The following KSR2 variants were observed in gnomAD, a reference collection of about 807,000 sequenced individuals.
The protein encoded by KSR2 is kinase suppressor of ras 2.
Under a neutral mutation model 107.8 loss-of-function variants are expected in KSR2, and 25 were observed. The observed-to-expected ratio is 0.23, with a 90% CI of 0.17 to 0.32. The LOEUF (loss-of-function observed/expected upper bound fraction) is 0.32. Ranked by LOEUF, KSR2 falls within the 10% of genes least tolerant of loss-of-function variation. The probability of loss-of-function intolerance (pLI) is 1.00; values close to 1 mark genes in which losing one functional copy is unlikely to be tolerated. For synonymous variants in KSR2, 480 were observed against 507.0 expected, an observed-to-expected ratio of 0.95 and a Z score of 0.71; for missense variants, 887 against 1,268.9, an observed-to-expected ratio of 0.70 and a Z score of 4.57.
chr12:117,837,447 C>G (rs543143228), intron 3 of KSR2, among the ~76,000 whole-genome samples: 1 of 152,286 alleles, frequency 6.6e-6, no homozygotes, highest in East Asian at 1.9e-4. Context: ...ACTGCGCCAT[C>G]AAGAGGTGGC....
At chr12:117,733,897 G>A (rs1887830854) in intron 4 of KSR2, among the ~76,000 whole-genome samples, 1 of 152,182 alleles carries the variant, frequency 6.6e-6, no homozygotes, top group African/African-American at 2.4e-5. Context: ...ATGGAAGAAT[G>A]AACAAATGAA....
Position 117,913,292 on chromosome 12 carries a change from G to T in KSR2, c.181-52861C>A, listed in dbSNP as rs183348337. ...AAGGGAAGCGTAAGAGGTCCCCACT[G>T]CAAGGAAGCAGTCACCACTGCCAAG... On this transcript the variant is annotated intron_variant, in intron 1 of 19. Transcript: ENST00000339824. Among the ~76,000 whole-genome samples the T allele has an allele frequency of 1.6e-3, 238 of 152,248 alleles. No individual in the cohort carries two copies. The Middle Eastern group carries it at 0.017, about 11-fold the overall frequency.
chr12:117,686,621 G>A (rs780688101), intron 4 of KSR2, among the ~76,000 whole-genome samples: 3 of 152,126 alleles, frequency 2.0e-5, no homozygotes. Flanking sequence ...CCATAGGAAA[G>A]CACCCAGAGT....
chr12:117,965,731 T>A (rs907875596), intron 1 of KSR2, among the ~76,000 whole-genome samples: 2 of 152,244 alleles, frequency 1.3e-5, no homozygotes, highest in Non-Finnish European at 2.9e-5. Context: ...ATACCTGGAC[T>A]GTTTATTAAA....
intron 4 of KSR2, among the ~76,000 whole-genome samples, chr12:117,727,774 C>G (rs796800315): frequency 6.6e-6 from 1 of 152,048 alleles, no homozygotes; most frequent in East Asian, 1.9e-4. Flanking sequence ...TAAGTCACCA[C>G]GTTTGTGATA....
At chr12:117,902,354 A>C (rs1001420506) in intron 1 of KSR2, among the ~76,000 whole-genome samples, 13 of 152,018 alleles carry the variant, frequency 8.6e-5, no homozygotes, top group Admixed American at 3.3e-4. Context: ...GCTACTTGGG[A>C]CACTGAGGCA....
intron 5 of KSR2, among the ~76,000 whole-genome samples, chr12:117,598,740 G>A (rs1880779868): frequency 6.6e-6 from 1 of 151,652 alleles, no homozygotes; most frequent in Admixed American, 6.6e-5. Flanking sequence ...TTTTTCATAT[G>A]TATATCTTAT....
At chr12:117,720,500 C>T (rs11613891) in intron 4 of KSR2, among the ~76,000 whole-genome samples, 4 of 152,182 alleles carry the variant, frequency 2.6e-5, no homozygotes, top group Admixed American at 1.3e-4. Flanking sequence ...TAAAGTAACA[C>T]GAGGCAGAGG....
intron 4 of KSR2, among the ~76,000 whole-genome samples, chr12:117,712,493 C>T (rs936765202): frequency 2.6e-5 from 4 of 152,206 alleles, no homozygotes; most frequent in Non-Finnish European, 5.9e-5. Flanking sequence ...GATGCCCACC[C>T]AGCAACAAGA....
intron 1 of KSR2, among the ~76,000 whole-genome samples, chr12:117,961,630 G>C (rs1423341673): frequency 6.6e-6 from 1 of 152,124 alleles, no homozygotes; most frequent in African/African-American, 2.4e-5. Flanking sequence ...TGCAGGGAGA[G>C]AAAGTCTCAG....
At chr12:117,902,395 C>T (rs369759944) in intron 1 of KSR2, among the ~76,000 whole-genome samples, 198 of 150,254 alleles carry the variant, frequency 1.3e-3, no homozygotes, top group Middle Eastern at 6.9e-3. Context: ...GAGGTGGAGG[C>T]TGAGGCAGGA....
intron 3 of KSR2, among the ~76,000 whole-genome samples, chr12:117,769,091 A>G (rs993978581): frequency 3.3e-5 from 5 of 152,226 alleles, no homozygotes; most frequent in African/African-American, 1.2e-4. Context: ...AGGACACCCA[A>G]GAGCAGATTC....
intron 5 of KSR2, among the ~76,000 whole-genome samples, chr12:117,628,058 AT>A (rs1216720831): frequency 2.2e-4 from 34 of 152,274 alleles, no homozygotes; most frequent in Non-Finnish European, 2.9e-5. Context: ...CCATCAGGTC[AT>A]TTAAGGTCTT....
At chr12:117,758,101 A>G (rs934926728) in intron 4 of KSR2, among the ~76,000 whole-genome samples, 1 of 152,166 alleles carries the variant, frequency 6.6e-6, no homozygotes, top group Non-Finnish European at 1.5e-5. Context: ...AAAAACACAA[A>G]TGTATTCTAA....
intron 14 of KSR2, among the ~76,000 whole-genome samples, chr12:117,490,739 T>C (rs1393272051): frequency 6.6e-6 from 1 of 152,174 alleles, no homozygotes; most frequent in Non-Finnish European, 1.5e-5. Flanking sequence ...AATGATTTAA[T>C]GAAGCATGGT....
At chr12:117,753,947 CGTGTGTGTGTGT>C (rs34174404) in intron 4 of KSR2, among the ~76,000 whole-genome samples, 2,341 of 129,004 alleles carry the variant, frequency 0.018, 39 homozygotes, top group African/African-American at 0.039. Flanking sequence ...AAGTATAGAG[CGTGTGTGTGTGT>C]GTGTGTGTGT....
At chr12:117,730,744 G>A (rs36069516) in intron 4 of KSR2, among the ~76,000 whole-genome samples, 26,816 of 152,210 alleles carry the variant, frequency 0.18, 2,524 homozygotes, top group South Asian at 0.3. Context: ...TCCTGACCGC[G>A]AGTGATCTGC....
At chr12:117,852,737 T>C (rs1593306042) in intron 3 of KSR2, among the ~76,000 whole-genome samples, 1 of 152,196 alleles carries the variant, frequency 6.6e-6, no homozygotes, top group East Asian at 1.9e-4. Context: ...CCGGCATAAA[T>C]TGGTACAAAC....
chr12:117,777,438 T>G (rs1335769986), intron 3 of KSR2, among the ~76,000 whole-genome samples: 1 of 152,146 alleles, frequency 6.6e-6, no homozygotes, highest in East Asian at 1.9e-4. Context: ...AGGACACTGC[T>G]TACACCATGA....
Sources: allele counts gnomAD v4.1 joint callset (sites outside exome capture counted in the v4.1 genomes callset), GRCh38; gene constraint gnomAD v4.1.1; transcripts MANE v1.5; gene names NCBI Gene and HGNC (gene_info 2026-07-23, HGNC 2026-07-21).